SFI1: variants seen among roughly 807,000 people sequenced by gnomAD.
SFI1 encodes SFI1 centrin binding protein.
A neutral mutation model predicts 207.5 loss-of-function variants in SFI1; 195 were observed. The observed-to-expected ratio is 0.94, with a 90% CI of 0.84 to 1.06. The LOEUF is 1.06. Among genes scored for constraint, SFI1 ranks in the 50% least tolerant of loss-of-function variants. The pLI is 0.00. For missense variants in SFI1, 1,634 were observed against 1,588.0 expected (o/e 1.03, Z -0.49); for synonymous variants, 630 against 598.9 (o/e 1.05, Z -0.76).
At position 31,524,861 on chromosome 22, in the gene SFI1, T is replaced by A. The variant is rs115193643; in HGVS notation, c.93-3829T>A. Among the ~76,000 whole-genome samples, 1,481 of 151,912 alleles carry A rather than the reference T, an allele frequency of 9.7e-3. 20 individuals are homozygous for A. Among genetic ancestry groups the A allele is most frequent in the African/African-American group, 0.033 (1,358 of 41,438 alleles). On this transcript the variant is annotated intron_variant, in intron 2 of 32. Coordinates refer to ENST00000400288, the MANE Select transcript of SFI1 (RefSeq NM_001007467.3). The stretch of plus-strand genomic sequence containing the variant: ...CCAGTCAGGAGTGCAGTGGTACAAA[T>A]TTGGCTCACTGCAACCACCACCTCC...
intron 12 of SFI1, among the ~76,000 whole-genome samples, chr22:31,581,932 ATT>A (rs1246630608): frequency 6.6e-6 from 1 of 151,864 alleles, no homozygotes; most frequent in Non-Finnish European, 1.5e-5. Context: ...ACTCAGAGAC[ATT>A]TTCTTATGTA....
chr22:31,563,817 G>T (rs952998486), intron 8 of SFI1, among the ~76,000 whole-genome samples: 1 of 151,664 alleles, frequency 6.6e-6, no homozygotes, highest in Non-Finnish European at 1.5e-5. Context: ...ACTCCTGACC[G>T]CAAGTGATCC....
chr22:31,511,041 T>C (rs1054665345), intron 2 of SFI1, among the ~76,000 whole-genome samples: 3 of 152,168 alleles, frequency 2.0e-5, no homozygotes, highest in African/African-American at 7.2e-5. Flanking sequence ...TAGGGTGCTA[T>C]GAATATACAG....
chr22:31,578,534 C>G (rs2063761198), intron 11 of SFI1, 82 bp downstream of exon 11: 1 of 1,298,296 alleles, frequency 7.7e-7, no homozygotes, highest in African/African-American at 1.5e-5. Flanking sequence ...ACCCCTATCA[C>G]CTTCATTAAA....
intron 30 of SFI1, 32 bp from the exon 31 acceptor site, chr22:31,616,968 A>G (rs1200815594): frequency 1.2e-6 from 2 of 1,613,936 alleles, no homozygotes; most frequent in South Asian, 2.2e-5. Flanking sequence ...AGGGGAAAAT[A>G]GTCTGAAACA....
At chr22:31,503,083 G>A (rs1298088507) in intron 1 of SFI1, among the ~76,000 whole-genome samples, 6 of 147,754 alleles carry the variant, frequency 4.1e-5, no homozygotes, top group Non-Finnish European at 8.9e-5. Context: ...AGGTGTAACT[G>A]AGAAATTAGT....
intron 8 of SFI1, among the ~76,000 whole-genome samples, chr22:31,565,092 G>A (rs2062147345): frequency 6.6e-6 from 1 of 151,488 alleles, no homozygotes; most frequent in Admixed American, 6.6e-5. Flanking sequence ...CAAAGTGCTG[G>A]GATTACAGGC....
chr22:31,542,911 C>G (rs903807859), intron 4 of SFI1, among the ~76,000 whole-genome samples: 6 of 151,580 alleles, frequency 4.0e-5, no homozygotes, highest in African/African-American at 1.5e-4. Flanking sequence ...ATCTGCCCAC[C>G]TTGGCCTCCC....
At position 31,530,835 on chromosome 22, in the gene SFI1, T is replaced by G. The variant is rs192362016; in HGVS notation, c.267-223T>G. ...GTTTTTAATCTCTTCACTGACAATT[T>G]ATGTTGAAAATATTTTTTAAAAATA... On this transcript the variant is annotated intron_variant, in intron 3 of 32. Transcript: ENST00000400288. The G allele has an allele frequency of 7.3e-6, 4 of 544,226 alleles. No homozygotes were observed. In the Admixed American group the frequency reaches 1.3e-4, roughly 18 times the overall value. The allele number at this position is 544,226 out of a possible 1,614,324, so 33.7% of individuals were successfully genotyped here.
intron 28 of SFI1, 58 bp from the exon 29 acceptor site, chr22:31,614,990 T>C: frequency 6.3e-7 from 1 of 1,586,144 alleles, no homozygotes; most frequent in Non-Finnish European, 8.6e-7. Flanking sequence ...CTTCTTGTTC[T>C]TTGGTCCCAG....
intron 15 of SFI1, among the ~76,000 whole-genome samples, chr22:31,597,928 G>A (rs1569432138): frequency 6.6e-6 from 1 of 151,568 alleles, no homozygotes; most frequent in Non-Finnish European, 1.5e-5. Context: ...GAGATAAAAT[G>A]TGTATACAGT....
intron 4 of SFI1, among the ~76,000 whole-genome samples, chr22:31,540,441 C>T (rs2059373361): frequency 2.0e-5 from 3 of 151,968 alleles, no homozygotes; most frequent in Admixed American, 2.0e-4. Flanking sequence ...ACCACCATGC[C>T]TGGCTGATTT....
chr22:31,604,888 G>A lies in SFI1; in HGVS notation c.1997G>A (p.Arg666Gln), dbSNP rs567259192. The change falls in exon 20 of 33, where the codon CGA (arginine) becomes CAA (glutamine). Residue 666 changes from arginine to glutamine, a missense_variant. Arg to Gln is a conservative substitution (Grantham distance 43). Coordinates refer to ENST00000400288, the MANE Select transcript of SFI1 (RefSeq NM_001007467.3). ...QAWVTYQGRV[R>Q]SILREVAARE... The stretch of plus-strand genomic sequence containing the variant: ...CTACAGACTTACCAGGGCAGGGTGC[G>A]AAGCATCCTCCGGGAGGTGGCAGCC... 28 of 1,612,036 alleles carry A rather than the reference G, an allele frequency of 1.7e-5. No individual in the cohort carries two copies. The Admixed American group carries it at 2.0e-4, about 12-fold the overall frequency.
At chr22:31,555,187 A>G (rs1288872310) in intron 6 of SFI1, among the ~76,000 whole-genome samples, 1 of 152,182 alleles carries the variant, frequency 6.6e-6, no homozygotes, top group Admixed American at 6.5e-5. Context: ...ATAGAAGGAA[A>G]AAGTCACTTG....
intron 2 of SFI1, among the ~76,000 whole-genome samples, chr22:31,512,523 A>AT (rs973554754): frequency 4.0e-4 from 59 of 147,450 alleles, no homozygotes; most frequent in Admixed American, 8.8e-4. Flanking sequence ...TATTATTACT[A>AT]TTTTTTTTTT....
In SFI1 at chr22:31,589,568, G is replaced by T. The variant is rs201287795; in HGVS notation, c.1535G>T (p.Arg512Leu). The T allele has an allele frequency of 1.2e-6, 2 of 1,612,332 alleles. No homozygotes were observed. The highest frequency in any genetic ancestry group is 1.7e-6 in the Non-Finnish European group (2 of 1,179,594). The change falls in exon 15 of 33, where the codon CGT (arginine) becomes CTT (leucine). Residue 512 changes from arginine to leucine, a missense_variant. Arg to Leu is a moderately radical substitution (Grantham distance 102, BLOSUM62 -2). Coordinates refer to ENST00000400288, the MANE Select transcript of SFI1 (RefSeq NM_001007467.3). Reference protein sequence around the residue: ...QENVLSARATRFHRETLEKQV... With the variant: ...QENVLSARATLFHRETLEKQV... Reference sequence around the variant, plus strand: ...AATGTCCTCAGTGCAAGAGCAACACGTTTCCACAGGTATGTTGCGCAGCTC... The same window carrying T: ...AATGTCCTCAGTGCAAGAGCAACACTTTTCCACAGGTATGTTGCGCAGCTC...
intron 8 of SFI1, among the ~76,000 whole-genome samples, chr22:31,563,221 G>C (rs2061911982): frequency 6.6e-6 from 1 of 151,724 alleles, no homozygotes; most frequent in Non-Finnish European, 1.5e-5. Context: ...GCTAACTCCT[G>C]AGCTCAGGCA....
intron 2 of SFI1, among the ~76,000 whole-genome samples, chr22:31,516,703 C>T (rs547696875): frequency 7.9e-5 from 12 of 151,970 alleles, no homozygotes; most frequent in South Asian, 4.2e-4. Context: ...GCCTGTAATC[C>T]CAGCACTTCG....
At chr22:31,520,942 T>G (rs2057157333) in intron 2 of SFI1, among the ~76,000 whole-genome samples, 3 of 147,334 alleles carry the variant, frequency 2.0e-5, no homozygotes, top group African/African-American at 7.6e-5. Context: ...AGACTAAGGC[T>G]GTGTAATTTG....
Sources: allele counts gnomAD v4.1 joint callset (sites outside exome capture counted in the v4.1 genomes callset), GRCh38; gene constraint gnomAD v4.1.1; transcripts MANE v1.5; gene names NCBI Gene and HGNC (gene_info 2026-07-23, HGNC 2026-07-21).